The following HERC6 variants were observed in gnomAD, a reference collection of about 807,000 sequenced individuals.
HERC6 encodes the protein probable E3 ubiquitin-protein ligase HERC6.
In HERC6, 101 loss-of-function variants were observed where a neutral mutation model predicts 114.5. The observed-to-expected ratio is 0.88, with a 90% CI of 0.75 to 1.04. The LOEUF is 1.04. Among genes scored for constraint, HERC6 ranks in the 50% least tolerant of loss-of-function variants. The pLI, the probability that HERC6 is intolerant of heterozygous loss-of-function variation, is 0.00. For missense variants in HERC6, 1,133 were observed against 1,230.9 expected (o/e 0.92, Z 1.19); for synonymous variants, 408 against 436.2 (o/e 0.94, Z 0.81).
intron 17 of HERC6, among the ~76,000 whole-genome samples, chr4:88,431,545 T>A (rs866170691): frequency 6.6e-6 from 1 of 152,156 alleles, no homozygotes; most frequent in Non-Finnish European, 1.5e-5. Context: ...TTTTATAAGA[T>A]CCTTAGGTGA....
intron 3 of HERC6, among the ~76,000 whole-genome samples, chr4:88,386,139 A>C (rs1233798452): frequency 1.3e-5 from 2 of 151,822 alleles, no homozygotes; most frequent in African/African-American, 4.8e-5. Flanking sequence ...GAACCTGCAA[A>C]TTAAATTAAC....
intron 13 of HERC6, among the ~76,000 whole-genome samples, chr4:88,422,692 T>C (rs1442552946): frequency 1.3e-5 from 2 of 152,216 alleles, no homozygotes; most frequent in Non-Finnish European, 2.9e-5. Context: ...TTTGTTATTT[T>C]ACTTTCTCAT....
At chr4:88,380,107 T>C (rs868655704) in intron 1 of HERC6, among the ~76,000 whole-genome samples, 3 of 23,608 alleles carry the variant, frequency 1.3e-4, no homozygotes, top group Non-Finnish European at 2.0e-4. Flanking sequence ...ATATATATAA[T>C]ATATAAATAT....
intron 3 of HERC6, among the ~76,000 whole-genome samples, chr4:88,386,508 C>G (rs1578369384): frequency 6.6e-6 from 1 of 151,846 alleles, no homozygotes; most frequent in African/African-American, 2.4e-5. Context: ...GCCCGGTCCC[C>G]AATTTATATT....
At chr4:88,438,702 A>G (rs148546057) in intron 20 of HERC6, among the ~76,000 whole-genome samples, 253 of 152,298 alleles carry the variant, frequency 1.7e-3, no homozygotes, top group Middle Eastern at 6.8e-3. Context: ...AAATGTTAAG[A>G]GTTTATTATC....
At position 88,392,903 on chromosome 4, in the gene HERC6, T is replaced by A. The variant is rs866222071; in HGVS notation, c.665-585T>A. On this transcript the variant is annotated intron_variant, in intron 4 of 22. Coordinates refer to ENST00000264346, the MANE Select transcript of HERC6 (RefSeq NM_017912.4). Reference sequence around the variant, plus strand: ...AACTTGTTTCGAAATAACCTATGTGTACTTCTCCTTTTTGCCTTTAGAAGT... The same window carrying A: ...AACTTGTTTCGAAATAACCTATGTGAACTTCTCCTTTTTGCCTTTAGAAGT... 5.3e-5 allele frequency among the ~76,000 whole-genome samples: 8 copies of A among 152,362 alleles called. No individual in the cohort carries two copies. In the South Asian group the frequency reaches 1.4e-3, roughly 28 times the overall value.
At chr4:88,401,168 A>G (rs1735514602) in intron 8 of HERC6, among the ~76,000 whole-genome samples, 1 of 152,188 alleles carries the variant, frequency 6.6e-6, no homozygotes, top group African/African-American at 2.4e-5. Flanking sequence ...AAGAGAATAG[A>G]GAACTGCGAG....
intron 1 of HERC6, among the ~76,000 whole-genome samples, chr4:88,380,372 A>G (rs1327678872): frequency 6.1e-5 from 1 of 16,354 alleles, no homozygotes; most frequent in East Asian, 1.9e-3. Flanking sequence ...ATAATATATA[A>G]ATATATATAT....
At chr4:88,398,340 C>T (rs1455771739) in intron 8 of HERC6, 131 bp downstream of exon 8, 1 of 460,594 alleles carries the variant, frequency 2.2e-6, no homozygotes, top group African/African-American at 2.0e-5. Context: ...TATTAGAATG[C>T]TTATGAAAAA....
intron 1 of HERC6, among the ~76,000 whole-genome samples, 156 bp downstream of exon 1, chr4:88,379,276 C>T (rs565557041): frequency 2.6e-5 from 4 of 152,148 alleles, no homozygotes; most frequent in South Asian, 4.1e-4. Context: ...CTGGGCGCCG[C>T]GGGCCAGGCA....
rs1387463294 is a variant in HERC6 at position 88,442,289 on chromosome 4, A to G, written c.2898A>G (p.Ile966Met). 1.2e-6 allele frequency: 2 copies of G among 1,613,622 alleles called. No homozygotes were observed. The highest frequency in any genetic ancestry group is 2.7e-5 in the African/African-American group (2 of 74,942). ...CAAGAGGCATACAGAAAATGGAAATAGTATTTCGCTGTCCTGAAACTTTCA... is the reference window on the plus strand; with the variant it reads ...CAAGAGGCATACAGAAAATGGAAATGGTATTTCGCTGTCCTGAAACTTTCA... ...LHARGIQKME[I>M]VFRCPETFSE... is the part of the protein sequence containing the mutation. The change falls in exon 23 of 23, where the codon ATA becomes ATG. Residue 966 changes from isoleucine (I) to methionine (M), a missense_variant. Physicochemically the swap from Ile to Met is conservative, Grantham distance 10 (BLOSUM62 1). This residue lies in a region of HERC6 where 388 missense variants were observed against 445.9 expected (regional missense o/e 0.87). Coordinates refer to ENST00000264346, the MANE Select transcript of HERC6 (RefSeq NM_017912.4).
Position 88,442,585 on chromosome 4 carries a change from T to G in HERC6, c.*125T>G. ...GTAGTTGAGGGAGAGATTGGGGGAA[T>G]GGGGAGATGATGATGATGGTCAAAG... On this transcript the variant is annotated 3_prime_UTR_variant, in exon 23 of 23. Transcript: ENST00000264346. 1 of 760,848 alleles carries G rather than the reference T, an allele frequency of 1.3e-6. No individual in the cohort carries two copies. The highest frequency in any genetic ancestry group is 1.8e-5 in the African/African-American group (1 of 57,084). 47.1% of individuals were successfully genotyped at this position (760,848 alleles called of 1,614,324 possible).
chr4:88,409,422 G>A (rs1364223318), intron 11 of HERC6, among the ~76,000 whole-genome samples: 2 of 152,148 alleles, frequency 1.3e-5, no homozygotes, highest in South Asian at 2.1e-4. Context: ...GATTGGGGCC[G>A]AAAGAGGGGG....
At chr4:88,396,795 T>A (rs1735255790) in intron 6 of HERC6, 56 bp from the exon 7 acceptor site, 1 of 1,420,350 alleles carries the variant, frequency 7.0e-7, no homozygotes, top group Non-Finnish European at 9.3e-7. Flanking sequence ...GACATCATCT[T>A]TCTCAAAAGC....
chr4:88,427,569 G>A (rs1181209456), intron 15 of HERC6, among the ~76,000 whole-genome samples: 1 of 152,082 alleles, frequency 6.6e-6, no homozygotes, highest in Non-Finnish European at 1.5e-5. Context: ...AAAACCAGAA[G>A]AATCTAGTAA....
At chr4:88,381,327 C>G (rs1009285860) in intron 1 of HERC6, among the ~76,000 whole-genome samples, 1 of 151,918 alleles carries the variant, frequency 6.6e-6, no homozygotes, top group Non-Finnish European at 1.5e-5. Context: ...AATTTACATG[C>G]GTGGGAATTT....
In HERC6 at chr4:88,390,837, A is replaced by C; in HGVS notation, c.622A>C (p.Asn208His). The C allele has an allele frequency of 6.2e-7, 1 of 1,614,124 alleles. No individual in the cohort carries two copies. Among genetic ancestry groups the C allele is most frequent in the African/African-American group, 1.3e-5 (1 of 75,058 alleles). ...TGGGACTTCGTTTGGCTGGGGAAGTAACAGTGCCGGGCAGCTGGCCCTCAG... is the reference window on the plus strand; with the variant it reads ...TGGGACTTCGTTTGGCTGGGGAAGTCACAGTGCCGGGCAGCTGGCCCTCAG... ...LCGTSFGWGSNSAGQLALSGR... is the reference protein window; with the variant it reads ...LCGTSFGWGSHSAGQLALSGR... Residue 208 changes from asparagine (N) to histidine (H), a missense_variant, in exon 4 of 23, where the codon AAC becomes CAC. Asn to His is a moderately conservative substitution (Grantham distance 68, BLOSUM62 1). Transcript: ENST00000264346.
At chr4:88,393,366 A>T (rs1256182430) in intron 4 of HERC6, 122 bp from the exon 5 acceptor site, 2 of 421,026 alleles carry the variant, frequency 4.8e-6, no homozygotes, top group Admixed American at 7.9e-5. Context: ...TTAGTGAATT[A>T]TAAGAATAAT....
chr4:88,386,771 T>C (rs1383066734), intron 3 of HERC6, among the ~76,000 whole-genome samples: 2 of 152,218 alleles, frequency 1.3e-5, no homozygotes, highest in Admixed American at 6.5e-5. Context: ...CTTCTCTCCC[T>C]GGTACAGTAG....
Sources: gnomAD v4.1 joint callset for allele counts (sites outside exome capture counted in the v4.1 genomes callset) on GRCh38, gnomAD v4.1.1 for gene constraint, gnomAD v4.1.1 regional missense constraint, MANE v1.5 for transcripts, NCBI Gene and HGNC (gene_info 2026-07-23, HGNC 2026-07-21) for gene names.